Variants in MAML3 observed in about 807,000 individuals in gnomAD.
MAML3 encodes the protein mastermind like transcriptional coactivator 3.
Under a neutral mutation model 101.9 loss-of-function variants are expected in MAML3, and 27 were observed. The observed-to-expected ratio is 0.27, with a 90% CI of 0.20 to 0.37. MAML3 has a LOEUF of 0.37. MAML3 is among the 10% of genes least tolerant of loss of function. The probability of loss-of-function intolerance (pLI) is 1.00; values close to 1 mark genes in which losing one functional copy is unlikely to be tolerated. For synonymous variants in MAML3, 501 were observed against 555.9 expected (o/e 0.90, Z 1.39); for missense variants, 1,316 against 1,444.9 (o/e 0.91, Z 1.45).
chr4:139,935,346 G>T (rs752268738), intron 1 of MAML3, among the ~76,000 whole-genome samples: 1 of 151,968 alleles, frequency 6.6e-6, no homozygotes, highest in Non-Finnish European at 1.5e-5. Flanking sequence ...AGCAGAGAAG[G>T]TTTTATATAT....
intron 1 of MAML3, among the ~76,000 whole-genome samples, chr4:140,091,540 A>C (rs1231800064): frequency 7.2e-6 from 1 of 139,462 alleles, no homozygotes; most frequent in Non-Finnish European, 1.5e-5. Context: ...AACAAAACAA[A>C]AACAAAACAA....
intron 2 of MAML3, among the ~76,000 whole-genome samples, chr4:139,882,884 C>G (rs1340784709): frequency 6.6e-6 from 1 of 152,010 alleles, no homozygotes; most frequent in Non-Finnish European, 1.5e-5. Context: ...ACAACAACAA[C>G]AACAAAACCT....
chr4:140,010,712 A>G (rs1181907164), intron 1 of MAML3, among the ~76,000 whole-genome samples: 2 of 152,202 alleles, frequency 1.3e-5, no homozygotes, highest in Admixed American at 6.5e-5. Context: ...AACAAAAAAA[A>G]TGCCAAAATA....
chr4:139,920,634 A>G (rs934342705), intron 1 of MAML3, among the ~76,000 whole-genome samples: 19 of 152,236 alleles, frequency 1.2e-4, no homozygotes, highest in African/African-American at 4.6e-4. Flanking sequence ...GTGGCCATCA[A>G]CCACCTTTCA....
intron 1 of MAML3, among the ~76,000 whole-genome samples, chr4:139,993,306 G>A (rs1406865535): frequency 6.7e-6 from 1 of 148,296 alleles, no homozygotes; most frequent in Non-Finnish European, 1.5e-5. Context: ...GAGCTGAGAT[G>A]GCACCACTGT....
At chr4:140,028,427 C>T (rs988181407) in intron 1 of MAML3, among the ~76,000 whole-genome samples, 2 of 152,156 alleles carry the variant, frequency 1.3e-5, no homozygotes, top group East Asian at 1.9e-4. Flanking sequence ...CTGTCTGTTT[C>T]TCTCTCTCTT....
At chr4:139,829,206 G>C (rs905292364) in intron 2 of MAML3, among the ~76,000 whole-genome samples, 1 of 146,194 alleles carries the variant, frequency 6.8e-6, no homozygotes, top group Non-Finnish European at 1.5e-5. Flanking sequence ...GAAGGAGGGA[G>C]GAAGGAAGGA....
intron 1 of MAML3, among the ~76,000 whole-genome samples, chr4:140,126,602 T>A (rs541701434): frequency 1.6e-4 from 25 of 152,324 alleles, no homozygotes; most frequent in African/African-American, 5.1e-4. Context: ...GTTCTTCTCT[T>A]TTCCTGCTAT....
At chr4:139,766,360 C>T (rs1012830852) in intron 2 of MAML3, among the ~76,000 whole-genome samples, 2 of 152,202 alleles carry the variant, frequency 1.3e-5, no homozygotes, top group African/African-American at 4.8e-5. Context: ...TTAGTAGAGA[C>T]GGGGTTTCAC....
intron 1 of MAML3, among the ~76,000 whole-genome samples, chr4:139,900,369 T>C (rs1347222970): frequency 6.6e-6 from 1 of 152,216 alleles, no homozygotes; most frequent in Non-Finnish European, 1.5e-5. Flanking sequence ...TGCTTAAACA[T>C]GTAATAAGTA....
At chr4:139,751,931 C>T (rs937229973) in intron 2 of MAML3, among the ~76,000 whole-genome samples, 1 of 152,144 alleles carries the variant, frequency 6.6e-6, no homozygotes, top group Non-Finnish European at 1.5e-5. Context: ...CAGAGACCTC[C>T]AAGGAGCCTC....
At chr4:139,845,604 G>A (rs1052358704) in intron 2 of MAML3, among the ~76,000 whole-genome samples, 1 of 152,174 alleles carries the variant, frequency 6.6e-6, no homozygotes, top group Admixed American at 6.5e-5. Flanking sequence ...GACAAAGCAG[G>A]AACCTACTTT....
chr4:140,005,416 C>A (rs1010932219), intron 1 of MAML3, among the ~76,000 whole-genome samples: 3 of 152,202 alleles, frequency 2.0e-5, no homozygotes, highest in African/African-American at 7.2e-5. Flanking sequence ...ATGTTGGAAA[C>A]ATGATCACCA....
At chr4:139,891,594 C>T (rs1484069672) in intron 1 of MAML3, among the ~76,000 whole-genome samples, 1 of 152,034 alleles carries the variant, frequency 6.6e-6, no homozygotes, top group East Asian at 1.9e-4. Context: ...AGACTTGGAC[C>T]AAAATGTAAC....
At chr4:140,044,367 T>C (rs1278341951) in intron 1 of MAML3, among the ~76,000 whole-genome samples, 1 of 152,174 alleles carries the variant, frequency 6.6e-6, no homozygotes. Flanking sequence ...GAATGAAAAT[T>C]GTTTTGTATT....
rs1553973058 is a variant in MAML3 at position 140,074,237 on chromosome 4, G to GAAAGAAAGAAAGAAAGAA, written c.468+78605_468+78622dup. Among the ~76,000 whole-genome samples, 148 of 130,218 alleles carry GAAAGAAAGAAAGAAAGAA rather than the reference G, an allele frequency of 1.1e-3. 2 individuals are homozygous for GAAAGAAAGAAAGAAAGAA. Among genetic ancestry groups the GAAAGAAAGAAAGAAAGAA allele is most frequent in the African/African-American group, 3.9e-3 (145 of 37,352 alleles). 85.4% of individuals were successfully genotyped at this position (130,218 alleles called of 152,430 possible). On this transcript the variant is annotated intron_variant, in intron 1 of 4. Transcript: ENST00000509479. The stretch of plus-strand genomic sequence containing the variant: ...AGAAAGAAAGAAAGAAAGAAAGAAA[G>GAAAGAAAGAAAGAAAGAA]AAAGAAAGAAAGAAAGAAAGAAAGA...
At chr4:139,816,367 C>T (rs1353164791) in intron 2 of MAML3, among the ~76,000 whole-genome samples, 1 of 152,172 alleles carries the variant, frequency 6.6e-6, no homozygotes, top group Admixed American at 6.5e-5. Context: ...GTGCGGCCGA[C>T]CCTCTGGTAA....
chr4:139,980,133 T>C (rs1379545242), intron 1 of MAML3, among the ~76,000 whole-genome samples: 4 of 152,218 alleles, frequency 2.6e-5, no homozygotes, highest in Admixed American at 2.6e-4. Flanking sequence ...TCCAGCTAGC[T>C]GTCTGGAGGC....
At chr4:139,773,083 T>C (rs75284523) in intron 2 of MAML3, among the ~76,000 whole-genome samples, 21 of 152,308 alleles carry the variant, frequency 1.4e-4, no homozygotes, top group Non-Finnish European at 2.6e-4. Context: ...ATTTTTTTGG[T>C]AGTTTTAAAA....
Sources: allele counts gnomAD v4.1 joint callset (sites outside exome capture counted in the v4.1 genomes callset), GRCh38; gene constraint gnomAD v4.1.1; transcripts MANE v1.5; gene names NCBI Gene and HGNC (gene_info 2026-07-23, HGNC 2026-07-21).